The following KCNQ2 variants were observed in gnomAD, a reference collection of about 807,000 sequenced individuals.
The protein encoded by KCNQ2 is potassium voltage-gated channel subfamily Q member 2, also known as potassium voltage-gated channel subfamily KQT member 2.
In KCNQ2, 14 loss-of-function variants were observed where a neutral mutation model predicts 84.8. The ratio of observed to expected loss-of-function variants is 0.17; its 90% confidence interval spans 0.11 to 0.26. The LOEUF is 0.26. Ranked by LOEUF, KCNQ2 falls within the 10% of genes least tolerant of loss-of-function variation. The pLI is 1.00. For missense variants in KCNQ2, 788 were observed against 1,254.0 expected, an observed-to-expected ratio of 0.63 and a Z score of 5.61; for synonymous variants, 599 against 554.1, an observed-to-expected ratio of 1.08 and a Z score of -1.14.
At chr20:63,418,073 C>G (rs1053437881) in intron 12 of KCNQ2, among the ~76,000 whole-genome samples, 1 of 152,212 alleles carries the variant, frequency 6.6e-6, no homozygotes, top group Non-Finnish European at 1.5e-5. Flanking sequence ...GACCCAAACT[C>G]TGCACCCTCC....
At chr20:63,469,920 G>A (rs942144322) in intron 1 of KCNQ2, among the ~76,000 whole-genome samples, 4 of 152,250 alleles carry the variant, frequency 2.6e-5, no homozygotes, top group African/African-American at 4.8e-5. Context: ...TCTGGGAGCC[G>A]GGCGGTGAGC....
chr20:63,430,161 C>T (rs553983219), intron 9 of KCNQ2, among the ~76,000 whole-genome samples: 3 of 152,316 alleles, frequency 2.0e-5, no homozygotes, highest in South Asian at 2.1e-4. Context: ...AGAGCAGCAG[C>T]GCCAGGGCAG....
chr20:63,443,526 TCACCACCACCAC>T (rs1278732548), intron 4 of KCNQ2: 2 of 75,428 alleles, frequency 2.7e-5, no homozygotes, highest in African/African-American at 1.3e-4. Flanking sequence ...ACCATCACCA[TCACCACCACCAC>T]CACCATGACC....
intron 4 of KCNQ2, among the ~76,000 whole-genome samples, chr20:63,442,905 CCACCATCACCATCACCACCATCACCAT>C (rs2081249090): frequency 2.9e-5 from 1 of 35,032 alleles, no homozygotes. Context: ...ACCATCACCA[CCACCATCACCATCACCACCATCACCAT>C]CACCACCACC....
At position 63,408,541 on chromosome 20, in the gene KCNQ2, C is replaced by T. The variant is rs1422829569; in HGVS notation, c.1764-5G>A. The T allele has an allele frequency of 1.2e-6, 2 of 1,610,540 alleles. No homozygotes were observed. Among genetic ancestry groups the T allele is most frequent in the South Asian group, 1.1e-5 (1 of 90,684 alleles). On this transcript the variant is annotated splice_polypyrimidine_tract_variant and splice_region_variant and intron_variant, in intron 15 of 16. Coordinates refer to ENST00000359125, the MANE Select transcript of KCNQ2 (RefSeq NM_172107.4). This position sits in a 1 kb window ranked among gnomAD's most constrained non-coding sequence, Gnocchi z 5.0. ...CGCCCCACGATCTGGTCCACTCTAC[C>T]GGGAACAGAGACCCCAAAGCATGAG...
chr20:63,445,755 A>C (rs1455993391), intron 2 of KCNQ2, among the ~76,000 whole-genome samples: 1 of 143,522 alleles, frequency 7.0e-6, no homozygotes, highest in Non-Finnish European at 1.5e-5. Flanking sequence ...GCCCTGTCTG[A>C]GCTGGGGGAC....
intron 1 of KCNQ2, among the ~76,000 whole-genome samples, chr20:63,468,946 C>T (rs1402784581): frequency 6.6e-6 from 1 of 152,266 alleles, no homozygotes; most frequent in Non-Finnish European, 1.5e-5. Context: ...CCACAGGAAC[C>T]AGGCTGCGTG....
rs932797155 is a variant in KCNQ2, at chr20:63,463,123, C to T, written c.296+9045G>A. ...GTGAATTTGACCTATTCTGGAAGAACGGGTAAGAAGGGGGTCATCTCCCAG... is the reference window on the plus strand; with the variant it reads ...GTGAATTTGACCTATTCTGGAAGAATGGGTAAGAAGGGGGTCATCTCCCAG... On this transcript the variant is annotated intron_variant, in intron 1 of 16. Coordinates refer to ENST00000359125, the MANE Select transcript of KCNQ2 (RefSeq NM_172107.4). Among the ~76,000 whole-genome samples the T allele has an allele frequency of 2.0e-5, 3 of 151,452 alleles. No homozygotes were observed. In the East Asian group the frequency reaches 5.8e-4, roughly 29 times the overall value.
intron 11 of KCNQ2, chr20:63,422,253 G>C (rs1299121404): frequency 2.0e-5 from 3 of 152,660 alleles, no homozygotes; most frequent in East Asian, 3.8e-4. Context: ...AATGATTGCG[G>C]AACAACTTCC....
chr20:63,435,764 A>G (rs1024674772), intron 7 of KCNQ2, among the ~76,000 whole-genome samples: 2 of 152,174 alleles, frequency 1.3e-5, no homozygotes, highest in African/African-American at 4.8e-5. Flanking sequence ...ACGGCTGCCA[A>G]CTCTGGTTTT....
intron 5 of KCNQ2, 121 bp downstream of exon 5, chr20:63,442,285 C>T (rs1200782434): frequency 4.8e-5 from 62 of 1,294,454 alleles, no homozygotes; most frequent in Non-Finnish European, 6.0e-5. Flanking sequence ...TGACCACGGG[C>T]AGCCAGCAGG....
chr20:63,433,734 A>G (rs1324052592), intron 8 of KCNQ2, 75 bp downstream of exon 8: 11 of 1,611,348 alleles, frequency 6.8e-6, no homozygotes, highest in Non-Finnish European at 9.3e-6. Flanking sequence ...ATGAACAACA[A>G]AAAGTGGGGT....
Position 63,414,269 on chromosome 20 carries a change from G to A in KCNQ2, c.1526-76C>T, listed in dbSNP as rs868427175. 6.4e-5 allele frequency: 70 copies of A among 1,095,292 alleles called. No individual in the cohort carries two copies. Among genetic ancestry groups the A allele is most frequent in the Non-Finnish European group, 8.5e-5 (61 of 717,936 alleles). The allele number at this position is 1,095,292 out of a possible 1,614,324, so 67.8% of individuals were successfully genotyped here. A position where few individuals can be genotyped will look rare whatever the true frequency, so the allele number is the denominator to read the frequency against. ...TTCCCGGGGTCCTGCAGGGCACACC[G>A]GCTAGACAGAGCGCCAGGGAGCCCC... On this transcript the variant is annotated intron_variant, in intron 13 of 16. Transcript: ENST00000359125. The surrounding 1 kb of genome is among the most constrained non-coding windows in gnomAD (Gnocchi z 6.6).
At chr20:63,450,892 C>T (rs1031635434) in intron 1 of KCNQ2, among the ~76,000 whole-genome samples, 5 of 152,012 alleles carry the variant, frequency 3.3e-5, no homozygotes, top group Non-Finnish European at 7.4e-5. Flanking sequence ...ATCAGCACTT[C>T]GGGAGGAGGC....
chr20:63,447,681 G>A (rs887636377), intron 1 of KCNQ2, among the ~76,000 whole-genome samples: 4 of 151,934 alleles, frequency 2.6e-5, no homozygotes, highest in Admixed American at 6.6e-5. Context: ...TGCAACCTCC[G>A]CCTCCCGGGT....
chr20:63,442,716 C>CCACCAT (rs2081215852), intron 4 of KCNQ2, among the ~76,000 whole-genome samples, 185 bp from the exon 5 acceptor site: 1 of 56,492 alleles, frequency 1.8e-5, no homozygotes, highest in African/African-American at 8.3e-5. Context: ...ATCACCACCA[C>CCACCAT]CACCACCATC....
At chr20:63,412,460 G>A (rs2080149090) in intron 15 of KCNQ2, among the ~76,000 whole-genome samples, 1 of 152,232 alleles carries the variant, frequency 6.6e-6, no homozygotes, top group Admixed American at 6.5e-5. Flanking sequence ...CGCTGGGAAA[G>A]AGGCCTCACA....
intron 15 of KCNQ2, chr20:63,409,992 A>G (rs1411868830): frequency 3.4e-6 from 1 of 294,058 alleles, no homozygotes. Context: ...AGGGTGGGCC[A>G]GGGGTGTTAT....
At chr20:63,412,337 C>T (rs1240251803) in intron 15 of KCNQ2, 2 of 170,218 alleles carry the variant, frequency 1.2e-5, no homozygotes, top group African/African-American at 2.4e-5. Flanking sequence ...TGAACAAAAA[C>T]AGCTGAAGTG....
Sources: gnomAD v4.1 joint callset for allele counts (sites outside exome capture counted in the v4.1 genomes callset) on GRCh38, gnomAD v4.1.1 for gene constraint, Gnocchi (gnomAD v3.1) non-coding constraint, MANE v1.5 for transcripts, NCBI Gene and HGNC (gene_info 2026-07-23, HGNC 2026-07-21) for gene names.